The following HS6ST1 variants were observed in gnomAD, a reference collection of about 807,000 sequenced individuals.
HS6ST1 encodes heparan-sulfate 6-O-sulfotransferase 1.
In HS6ST1, 3 loss-of-function variants were observed where a neutral mutation model predicts 25.2. That is an observed-to-expected ratio of 0.12 (90% CI 0.05 to 0.31). The LOEUF (loss-of-function observed/expected upper bound fraction) is 0.31, where lower values mean the gene tolerates loss of function less well. Among genes scored for constraint, HS6ST1 ranks in the 10% least tolerant of loss-of-function variants. The probability of loss-of-function intolerance (pLI) is 1.00; values close to 1 mark genes in which losing one functional copy is unlikely to be tolerated. For synonymous variants in HS6ST1, 204 were observed against 275.1 expected, an observed-to-expected ratio of 0.74 and a Z score of 2.56; for missense variants, 310 against 609.6, an observed-to-expected ratio of 0.51 and a Z score of 5.18.
intron 1 of HS6ST1, among the ~76,000 whole-genome samples, chr2:128,269,929 G>C (rs904888712): frequency 2.0e-5 from 3 of 152,206 alleles, no homozygotes; most frequent in Non-Finnish European, 4.4e-5. Flanking sequence ...AGGGACCCCG[G>C]GGAGCACAAA....
rs368348866 is a variant in HS6ST1 at position 128,268,233 on chromosome 2, G to A, written c.1165C>T (p.Arg389Trp). Residue 389 changes from arginine to tryptophan, a missense_variant, in exon 2 of 2, where the codon CGG becomes TGG. By Grantham distance (101) the Arg-to-Trp change is moderately radical. Coordinates refer to ENST00000259241, the MANE Select transcript of HS6ST1 (RefSeq NM_004807.3). The part of the protein sequence containing the change: ...LLHRAKEALP[R>W]EDADEPGRVP... ...CGGCCCGGCTCGTCGGCATCCTCCCGCGGCAGTGCCTCCTTGGCCCGGTGC... is the reference window on the plus strand; with the variant it reads ...CGGCCCGGCTCGTCGGCATCCTCCCACGGCAGTGCCTCCTTGGCCCGGTGC... The A allele has an allele frequency of 3.2e-5, 52 of 1,610,630 alleles. No individual in the cohort carries two copies. The highest frequency in any genetic ancestry group is 2.5e-4 in the East Asian group (11 of 44,830).
chr2:128,309,261 G>A (rs1376988077), intron 1 of HS6ST1, among the ~76,000 whole-genome samples: 1 of 152,242 alleles, frequency 6.6e-6, no homozygotes, highest in East Asian at 1.9e-4. Context: ...AGCTTACAGA[G>A]TGAACTCTCA....
At position 128,268,198 on chromosome 2, in the gene HS6ST1, G is replaced by A. The variant is rs374582641; in HGVS notation, c.1200C>T (p.Thr400=). 1.5e-4 allele frequency: 237 copies of A among 1,610,252 alleles called. No homozygotes were observed. Among genetic ancestry groups the A allele is most frequent in the African/African-American group, 8.0e-4 (60 of 74,944 alleles). Residue 400 remains threonine, a synonymous_variant, in exon 2 of 2, where the codon ACC becomes ACT. Transcript: ENST00000259241. The part of the protein sequence containing the change: ...EDADEPGRVP[T]EDYMSHIIEK... ...CAATGATGTGGCTCATGTAGTCCTC[G>A]GTGGGCACGCGGCCCGGCTCGTCGG...
chr2:128,311,324 G>T (rs1694287220), intron 1 of HS6ST1, among the ~76,000 whole-genome samples: 2 of 152,192 alleles, frequency 1.3e-5, no homozygotes, highest in South Asian at 4.1e-4. Flanking sequence ...AGGTGCCAGT[G>T]AGTGTCCAGG....
At chr2:128,312,404 C>A (rs970362608) in intron 1 of HS6ST1, among the ~76,000 whole-genome samples, 2 of 152,222 alleles carry the variant, frequency 1.3e-5, no homozygotes, top group African/African-American at 2.4e-5. Flanking sequence ...ATGACCCATT[C>A]CAAGTGCCTG....
intron 1 of HS6ST1, among the ~76,000 whole-genome samples, chr2:128,297,902 G>A (rs12622112): frequency 0.28 from 42,533 of 152,046 alleles, 7,118 homozygotes; most frequent in East Asian, 0.77. Context: ...AGAGTGAAAC[G>A]CAACCCACAG....
Position 128,303,775 on chromosome 2 carries a change from G to A in HS6ST1, c.527+14262C>T, listed in dbSNP as rs544766255. Among the ~76,000 whole-genome samples, 39 of 152,358 alleles carry A rather than the reference G, an allele frequency of 2.6e-4. 1 individual carries two copies. The East Asian group carries it at 6.6e-3, about 26-fold the overall frequency. Reference sequence around the variant, plus strand: ...AGGTCCTCACCCAAAGGCCACTGTGGTGGCTACTTTTAGGTGTCAACTTCA... The same window carrying A: ...AGGTCCTCACCCAAAGGCCACTGTGATGGCTACTTTTAGGTGTCAACTTCA... On this transcript the variant is annotated intron_variant, in intron 1 of 1. Coordinates refer to ENST00000259241, the MANE Select transcript of HS6ST1 (RefSeq NM_004807.3).
rs1286359033 is a variant in HS6ST1 at position 128,318,429 on chromosome 2, G to C, written c.135C>G (p.Pro45=). 1 of 1,594,880 alleles carries C rather than the reference G, an allele frequency of 6.3e-7. No individual in the cohort carries two copies. The highest frequency in any genetic ancestry group is 2.3e-5 in the East Asian group (1 of 43,930). ...YAGPGLSLGA[P]GGRAPPDDLD... is the part of the protein sequence containing the mutation. ...GGTCGTCGGGCGGCGCGCGGCCGCC[G>C]GGCGCGCCCAGGCTCAGTCCTGGGC... Residue 45 remains proline, a synonymous_variant, in exon 1 of 2, where the codon CCC becomes CCG. Transcript: ENST00000259241. The surrounding 1 kb of genome is among the most constrained non-coding windows in gnomAD (Gnocchi z 5.7).
intron 1 of HS6ST1, among the ~76,000 whole-genome samples, chr2:128,313,891 C>T (rs143528341): frequency 2.0e-3 from 299 of 150,342 alleles, no homozygotes; most frequent in African/African-American, 6.6e-3. Context: ...CCATCTAAAA[C>T]GATCCTGTCA....
intron 1 of HS6ST1, among the ~76,000 whole-genome samples, chr2:128,288,672 T>C (rs549636425): frequency 1.5e-4 from 23 of 152,078 alleles, no homozygotes; most frequent in African/African-American, 5.1e-4. Flanking sequence ...TAACCATGCA[T>C]GTATTAGAAA....
chr2:128,269,096 C>T (rs536602297), intron 1 of HS6ST1, among the ~76,000 whole-genome samples: 9 of 152,236 alleles, frequency 5.9e-5, no homozygotes, highest in South Asian at 4.1e-4. Context: ...TGCCCTGCAG[C>T]GCCTGGCCTG....
At chr2:128,312,978 G>A (rs190327698) in intron 1 of HS6ST1, among the ~76,000 whole-genome samples, 4 of 152,190 alleles carry the variant, frequency 2.6e-5, no homozygotes, top group Admixed American at 2.6e-4. Flanking sequence ...TCGGACAATC[G>A]CTTGAAACTG....
intron 1 of HS6ST1, among the ~76,000 whole-genome samples, chr2:128,290,825 A>AC (rs1693940228): frequency 3.2e-5 from 4 of 126,224 alleles, no homozygotes; most frequent in East Asian, 2.0e-4. Flanking sequence ...TACAAAAAAA[A>AC]AAAAAAAAAA....
rs1212297101 is a variant in HS6ST1 at position 128,267,008 on chromosome 2, C to T, written c.*1154G>A. The T allele has an allele frequency of 6.6e-6, 1 of 152,246 alleles. No individual in the cohort carries two copies. The highest frequency in any genetic ancestry group is 1.5e-5 in the Non-Finnish European group (1 of 68,078). 9.4% of individuals were successfully genotyped at this position (152,246 alleles called of 1,614,324 possible). A position where few individuals can be genotyped will look rare whatever the true frequency, so the allele number is the denominator to read the frequency against. ...GCTGAGTGTCTGTTGTCAGGGAGGCCACCTACAGCTGTTTTGCCAAGGCTA... is the reference window on the plus strand; with the variant it reads ...GCTGAGTGTCTGTTGTCAGGGAGGCTACCTACAGCTGTTTTGCCAAGGCTA... On this transcript the variant is annotated 3_prime_UTR_variant, in exon 2 of 2. Coordinates refer to ENST00000259241, the MANE Select transcript of HS6ST1 (RefSeq NM_004807.3).
rs767602153 is a variant in HS6ST1 at position 128,268,752 on chromosome 2, G to C, written c.646C>G (p.Pro216Ala). ...CAGGGCGGCAGCTCCTCAGGCGTGG[G>C]CGTGCGCCCATCACACATATGCAAC... ...TSLHMCDGRT[P>A]TPEELPPCYE... The change falls in exon 2 of 2, where the codon CCC (proline) becomes GCC (alanine). Residue 216 changes from proline to alanine, a missense_variant. Physicochemically the swap from Pro to Ala is conservative, Grantham distance 27. Coordinates refer to ENST00000259241, the MANE Select transcript of HS6ST1 (RefSeq NM_004807.3). 3 of 1,612,660 alleles carry C rather than the reference G, an allele frequency of 1.9e-6. No homozygotes were observed. The highest frequency in any genetic ancestry group is 1.7e-5 in the Admixed American group (1 of 60,030).
rs548538425 is a variant in HS6ST1 at position 128,273,106 on chromosome 2, G to A, written c.528-4236C>T. Among the ~76,000 whole-genome samples, 6 of 152,330 alleles carry A rather than the reference G, an allele frequency of 3.9e-5. No individual in the cohort carries two copies. The South Asian group carries it at 1.2e-3, about 32-fold the overall frequency. On this transcript the variant is annotated intron_variant, in intron 1 of 1. Transcript: ENST00000259241. ...GACAGCTGCTGGGGAACCACACCAG[G>A]GAGGCGGGTGTGTTCAAAGATATTA...
intron 1 of HS6ST1, among the ~76,000 whole-genome samples, chr2:128,270,647 T>A (rs1693596468): frequency 6.6e-6 from 1 of 152,218 alleles, no homozygotes; most frequent in African/African-American, 2.4e-5. Flanking sequence ...CAGAAGAGGC[T>A]ATCCATATCC....
intron 1 of HS6ST1, among the ~76,000 whole-genome samples, chr2:128,302,294 G>A (rs1694143506): frequency 6.6e-6 from 1 of 152,202 alleles, no homozygotes; most frequent in Non-Finnish European, 1.5e-5. Context: ...AGCACACATG[G>A]GTCAGGCTGA....
chr2:128,289,214 C>T (rs78826195), intron 1 of HS6ST1, among the ~76,000 whole-genome samples: 49 of 151,528 alleles, frequency 3.2e-4, no homozygotes, highest in Non-Finnish European at 4.6e-4. Context: ...GCGACAGCTC[C>T]GGGTGATGCA....
Sources: gnomAD v4.1 joint callset for allele counts (sites outside exome capture counted in the v4.1 genomes callset) on GRCh38, gnomAD v4.1.1 for gene constraint, Gnocchi (gnomAD v3.1) non-coding constraint, MANE v1.5 for transcripts, NCBI Gene and HGNC (gene_info 2026-07-23, HGNC 2026-07-21) for gene names.